NWD2: variants seen among roughly 807,000 people sequenced by gnomAD.
The protein encoded by NWD2 is NACHT and WD repeat domain containing 2, also known as NACHT and WD repeat domain-containing protein 2.
NWD2 carries 37 observed loss-of-function variants against 132.7 expected under a neutral mutation model. The ratio of observed to expected loss-of-function variants is 0.28; its 90% CI spans 0.21 to 0.37. The LOEUF (loss-of-function observed/expected upper bound fraction) is 0.37, where lower values mean the gene tolerates loss of function less well. NWD2 is among the 10% of genes least tolerant of loss of function. NWD2 has a pLI of 1.00. For synonymous variants in NWD2, 705 were observed against 803.0 expected (o/e 0.88, Z 2.06); for missense variants, 1,592 against 2,122.4 (o/e 0.75, Z 4.91).
intron 3 of NWD2, among the ~76,000 whole-genome samples, chr4:37,386,663 C>T (rs1255981144): frequency 6.6e-6 from 1 of 152,068 alleles, no homozygotes; most frequent in African/African-American, 2.4e-5. Flanking sequence ...GTTTGTAAAC[C>T]TGCTTTTTCC....
intron 1 of NWD2, among the ~76,000 whole-genome samples, chr4:37,251,635 C>T (rs1443625594): frequency 6.6e-6 from 1 of 152,196 alleles, no homozygotes; most frequent in Non-Finnish European, 1.5e-5. Flanking sequence ...ACTATGACTC[C>T]TGGTGAAGGA....
chr4:37,438,559 T>C (rs768284115), intron 5 of NWD2, among the ~76,000 whole-genome samples: 2 of 152,232 alleles, frequency 1.3e-5, no homozygotes, highest in Non-Finnish European at 1.5e-5. Context: ...ATTATGCTTA[T>C]GTCCAACCTC....
At chr4:37,313,297 A>C (rs1446634933) in intron 1 of NWD2, among the ~76,000 whole-genome samples, 3 of 150,960 alleles carry the variant, frequency 2.0e-5, no homozygotes, top group African/African-American at 7.4e-5. Context: ...TTATTGCCAC[A>C]ATTTCAGATC....
chr4:37,443,703 G>A lies in NWD2; in HGVS notation c.1715G>A (p.Arg572Gln), dbSNP rs1326241502. The A allele has an allele frequency of 5.2e-6, 8 of 1,552,006 alleles. No individual in the cohort carries two copies. Among genetic ancestry groups the A allele is most frequent in the South Asian group, 4.8e-5 (4 of 84,032 alleles). The change falls in exon 7 of 7, where the codon CGA (arginine) becomes CAA (glutamine). Residue 572 changes from arginine (R) to glutamine (Q), a missense_variant. Arg to Gln is a conservative substitution (Grantham distance 43). Transcript: ENST00000309447. This position sits in a 1 kb window ranked among gnomAD's most constrained non-coding sequence, Gnocchi z 4.1. Reference protein sequence around the residue: ...EEDNYIELIPRDRKMCSQVLK... With the variant: ...EEDNYIELIPQDRKMCSQVLK... The stretch of plus-strand genomic sequence containing the variant: ...GACAACTACATCGAGCTGATTCCCC[G>A]AGACAGGAAGATGTGCAGCCAGGTC...
chr4:37,430,854 G>T lies in NWD2; in HGVS notation c.561+79G>T. The T allele has an allele frequency of 2.3e-6, 3 of 1,293,734 alleles. No homozygotes were observed. In the South Asian group the frequency reaches 3.9e-5, roughly 17 times the overall value. The allele number at this position is 1,293,734 out of a possible 1,614,324, so 80.1% of individuals were successfully genotyped here. ...CATTTATGTCATCCGGGGTGGTGCT[G>T]CACAGAAAAGGCAGAGTAGACAGAA... is the stretch of plus-strand genomic sequence containing the variant. On this transcript the variant is annotated intron_variant, in intron 4 of 6. Transcript: ENST00000309447.
At chr4:37,274,491 C>T (rs1717946362) in intron 1 of NWD2, among the ~76,000 whole-genome samples, 1 of 152,318 alleles carries the variant, frequency 6.6e-6, no homozygotes, top group South Asian at 2.1e-4. Flanking sequence ...CAGCCGAATT[C>T]TACCAGCGGT....
intron 3 of NWD2, among the ~76,000 whole-genome samples, chr4:37,357,364 T>G (rs1719892164): frequency 1.3e-5 from 2 of 152,216 alleles, no homozygotes; most frequent in African/African-American, 4.8e-5. Context: ...CCGTCTATAT[T>G]TGGCTCCGCA....
At chr4:37,338,664 GTGGCC>G (rs1341457751) in intron 2 of NWD2, among the ~76,000 whole-genome samples, 10 of 152,132 alleles carry the variant, frequency 6.6e-5, no homozygotes, top group African/African-American at 2.2e-4. Context: ...TTATATTAGC[GTGGCC>G]TTACTAATAA....
intron 2 of NWD2, among the ~76,000 whole-genome samples, chr4:37,338,149 G>C (rs1381038247): frequency 2.0e-5 from 3 of 152,144 alleles, no homozygotes; most frequent in Non-Finnish European, 4.4e-5. Flanking sequence ...AATATTCCTT[G>C]AACAGTATTT....
chr4:37,287,344 C>CG (rs139099100), intron 1 of NWD2, among the ~76,000 whole-genome samples: 13,842 of 152,192 alleles, frequency 0.091, 700 homozygotes, highest in Non-Finnish European at 0.098. Context: ...CTTTTTGCGA[C>CG]GGGGGGCAGC....
intron 3 of NWD2, among the ~76,000 whole-genome samples, chr4:37,397,062 G>A (rs1720806051): frequency 6.6e-6 from 1 of 151,876 alleles, no homozygotes; most frequent in Non-Finnish European, 1.5e-5. Flanking sequence ...AACTCCTCTG[G>A]TTTCCTGGAA....
chr4:37,335,723 A>G lies in NWD2; in HGVS notation c.240+9699A>G, dbSNP rs138743349. ...ATCTAGGTTGTGGACTCCTTATGAGAATCAAATGCCTGATGATCTGAGGTG... is the reference window on the plus strand; with the variant it reads ...ATCTAGGTTGTGGACTCCTTATGAGGATCAAATGCCTGATGATCTGAGGTG... On this transcript the variant is annotated intron_variant, in intron 2 of 6. Coordinates refer to ENST00000309447, the MANE Select transcript of NWD2 (RefSeq NM_001144990.2). Among the ~76,000 whole-genome samples the G allele has an allele frequency of 2.4e-3, 359 of 151,722 alleles. 3 individuals carry two copies. Among genetic ancestry groups the G allele is most frequent in the East Asian group, 0.014 (70 of 5,134 alleles).
chr4:37,337,842 T>C (rs1322767552), intron 2 of NWD2, among the ~76,000 whole-genome samples: 1 of 152,216 alleles, frequency 6.6e-6, no homozygotes, highest in Non-Finnish European at 1.5e-5. Context: ...GAACTCATCC[T>C]CCTTTTCCCT....
intron 1 of NWD2, among the ~76,000 whole-genome samples, chr4:37,293,955 C>G (rs1031940317): frequency 4.6e-5 from 7 of 151,394 alleles, no homozygotes; most frequent in African/African-American, 1.7e-4. Context: ...CTTCTCTATT[C>G]TAAACTAGTA....
At chr4:37,285,846 C>T (rs1002212085) in intron 1 of NWD2, among the ~76,000 whole-genome samples, 5 of 152,282 alleles carry the variant, frequency 3.3e-5, no homozygotes, top group African/African-American at 1.2e-4. Context: ...GGGAGTATCA[C>T]TATTCCATTC....
At chr4:37,247,427 CTAGCGGAAATCCAATTTATGTTCTAAATA>C (rs1717266519) in intron 1 of NWD2, among the ~76,000 whole-genome samples, 1 of 152,154 alleles carries the variant, frequency 6.6e-6, no homozygotes, top group African/African-American at 2.4e-5. Flanking sequence ...CTTTCCTTTA[CTAGCGGAAATCCAATTTATGTTCTAAATA>C]AAAGCTGCTT....
intron 5 of NWD2, among the ~76,000 whole-genome samples, chr4:37,438,586 G>A (rs913014599): frequency 1.3e-5 from 2 of 152,190 alleles, no homozygotes; most frequent in African/African-American, 4.8e-5. Context: ...AACTTGGGGA[G>A]AAAATTAGAT....
chr4:37,296,476 G>A (rs926111806), intron 1 of NWD2, among the ~76,000 whole-genome samples: 5 of 152,118 alleles, frequency 3.3e-5, no homozygotes, highest in African/African-American at 4.8e-5. Flanking sequence ...TAAAGAAAAC[G>A]TGGCATATAT....
Position 37,438,964 on chromosome 4 carries a change from G to A in NWD2, c.870G>A (p.Arg290=). ...DITGTEPRII[R]DPEAQEKLIK... ...CTGGAACAGAACCGAGGATTATTCG[G>A]GACCCAGAAGCCCAAGAGAAGCTGA... Residue 290 remains arginine, a synonymous_variant, in exon 6 of 7, where the codon CGG becomes CGA. Transcript: ENST00000309447. The A allele has an allele frequency of 6.4e-7, 1 of 1,551,932 alleles. No homozygotes were observed. Among genetic ancestry groups the A allele is most frequent in the Non-Finnish European group, 8.7e-7 (1 of 1,147,046 alleles).
Sources: allele counts gnomAD v4.1 joint callset (sites outside exome capture counted in the v4.1 genomes callset), GRCh38; gene constraint gnomAD v4.1.1; non-coding constraint Gnocchi (gnomAD v3.1); transcripts MANE v1.5; gene names NCBI Gene and HGNC (gene_info 2026-07-23, HGNC 2026-07-21).